The following NREP variants were observed in gnomAD, a reference collection of about 807,000 sequenced individuals.
NREP encodes neuronal regeneration related protein.
In NREP, 5 loss-of-function variants were observed where a neutral mutation model predicts 8.6. The observed-to-expected ratio is 0.58, with a 90% CI of 0.30 to 1.22. The LOEUF is 1.22. NREP is among the 50% of genes most tolerant of loss of function. The pLI, the probability that NREP is intolerant of heterozygous loss-of-function variation, is 0.07. For missense variants in NREP, 86 were observed against 82.5 expected (o/e 1.04, Z -0.17); for synonymous variants, 27 against 28.0 (o/e 0.96, Z 0.11).
chr5:111,954,421 T>C (rs1756252808), intron 2 of NREP, among the ~76,000 whole-genome samples: 2 of 152,172 alleles, frequency 1.3e-5, no homozygotes, highest in South Asian at 2.1e-4. Context: ...GTCAATGTTA[T>C]CATTGGTTTT....
At chr5:111,845,433 A>C (rs1159388661) in intron 2 of NREP, among the ~76,000 whole-genome samples, 1 of 152,138 alleles carries the variant, frequency 6.6e-6, no homozygotes. Context: ...CATCTTGCTG[A>C]TATCACTCTC....
intron 2 of NREP, among the ~76,000 whole-genome samples, chr5:111,795,648 G>A (rs1395947203): frequency 6.6e-6 from 1 of 152,030 alleles, no homozygotes; most frequent in Non-Finnish European, 1.5e-5. Flanking sequence ...CAGTCATTTT[G>A]CATTTTTGTT....
At chr5:111,848,769 A>G (rs1346840565) in intron 2 of NREP, among the ~76,000 whole-genome samples, 1 of 152,072 alleles carries the variant, frequency 6.6e-6, no homozygotes, top group African/African-American at 2.4e-5. Flanking sequence ...CCATGCTTTA[A>G]TGTTCCTTGT....
chr5:111,910,503 T>C (rs1218798149), intron 2 of NREP, among the ~76,000 whole-genome samples: 1 of 152,034 alleles, frequency 6.6e-6, no homozygotes, highest in African/African-American at 2.4e-5. Context: ...GACCCACATA[T>C]TTATAATGGT....
intron 2 of NREP, among the ~76,000 whole-genome samples, chr5:111,772,487 G>A (rs906701804): frequency 1.3e-5 from 2 of 151,808 alleles, no homozygotes; most frequent in Admixed American, 6.6e-5. Flanking sequence ...TCCAGTTTCC[G>A]AAAGTCTGGA....
chr5:111,826,308 G>C (rs1249223495), intron 2 of NREP, among the ~76,000 whole-genome samples: 3 of 152,200 alleles, frequency 2.0e-5, no homozygotes, highest in Non-Finnish European at 4.4e-5. Context: ...GGCCAAATAA[G>C]GGAGTAAAAG....
At chr5:111,845,868 A>C (rs1464733445) in intron 2 of NREP, among the ~76,000 whole-genome samples, 2 of 151,594 alleles carry the variant, frequency 1.3e-5, no homozygotes, top group African/African-American at 2.4e-5. Flanking sequence ...AAAAAAAAAA[A>C]AGAAAAGAAA....
upstream of NREP, chr5:111,757,575 G>A: frequency 1.0e-6 from 1 of 984,432 alleles, no homozygotes; most frequent in East Asian, 1.1e-4. Context: ...GCAGGAATCG[G>A]CGGCTCTGGG....
At chr5:111,841,919 A>G (rs1753039916) in intron 2 of NREP, among the ~76,000 whole-genome samples, 1 of 152,112 alleles carries the variant, frequency 6.6e-6, no homozygotes, top group African/African-American at 2.4e-5. Context: ...ATTTGGTGAC[A>G]AGCCTCTCTG....
At chr5:111,785,315 G>A (rs1052405494) in intron 2 of NREP, among the ~76,000 whole-genome samples, 11 of 151,972 alleles carry the variant, frequency 7.2e-5, no homozygotes, top group Non-Finnish European at 1.5e-4. Flanking sequence ...GTCTCCTTCT[G>A]TCATCCAGGC....
At chr5:111,818,373 C>T (rs911731326) in intron 2 of NREP, among the ~76,000 whole-genome samples, 9 of 152,110 alleles carry the variant, frequency 5.9e-5, no homozygotes, top group South Asian at 2.1e-4. Flanking sequence ...ATGGCAGTGA[C>T]GTGGTGTTAT....
chr5:111,757,232 GGGGGGA>G, upstream of NREP: 2 of 546,478 alleles, frequency 3.7e-6, no homozygotes, highest in Non-Finnish European at 4.6e-6. Context: ...GACAGATTGG[GGGGGGA>G]GGGGGGATTG....
chr5:111,771,426 TAC>T (rs111799670), intron 2 of NREP, among the ~76,000 whole-genome samples: 14,490 of 147,020 alleles, frequency 0.099, 951 homozygotes, highest in East Asian at 0.25. Flanking sequence ...CATAGTCTTT[TAC>T]ACACACACAC....
chr5:111,731,903 G>A (rs902857935), intron 3 of NREP: 3 of 152,408 alleles, frequency 2.0e-5, no homozygotes, highest in Non-Finnish European at 4.4e-5. Flanking sequence ...ACAGCACAGT[G>A]AAGCACACCT....
chr5:111,846,786 TC>T (rs1381608815), intron 2 of NREP, among the ~76,000 whole-genome samples: 1 of 152,206 alleles, frequency 6.6e-6, no homozygotes, highest in African/African-American at 2.4e-5. Context: ...TTGGATTTGC[TC>T]CTTGTTTACC....
In NREP at chr5:111,806,734, AGGATGC is replaced by A. The variant is rs1427064428; in HGVS notation, c.136-71233_136-71228del. Among the ~76,000 whole-genome samples, 4 of 142,782 alleles carry A rather than the reference AGGATGC, an allele frequency of 2.8e-5. No individual in the cohort carries two copies. The South Asian group carries it at 1.1e-3, about 38-fold the overall frequency. The allele number at this position is 142,782 out of a possible 152,430, so 93.7% of individuals were successfully genotyped here. A position where few individuals can be genotyped will look rare whatever the true frequency, so the allele number is the denominator to read the frequency against. Reference sequence around the variant, plus strand: ...GTTTCTTTTTGTTTGTTTTAAAGGAAGGATGCAGTTCTCTGTTACGATTTTGAATGG... The same window carrying A: ...GTTTCTTTTTGTTTGTTTTAAAGGAAAGTTCTCTGTTACGATTTTGAATGG... On this transcript the variant is annotated intron_variant, in intron 2 of 3. Coordinates refer to the NREP transcript ENST00000395634.
chr5:111,945,313 G>A (rs1381824281), intron 2 of NREP, among the ~76,000 whole-genome samples: 3 of 151,712 alleles, frequency 2.0e-5, no homozygotes, highest in Non-Finnish European at 4.4e-5. Context: ...TTAAGTTTTA[G>A]GGTACATGTG....
rs192795256 is a variant in NREP, at chr5:111,861,636, T to A, written c.135+113638A>T. 1.2e-3 allele frequency among the ~76,000 whole-genome samples: 179 copies of A among 152,312 alleles called. 1 individual carries two copies. The highest frequency in any genetic ancestry group is 1.5e-3 in the Admixed American group (23 of 15,280). On this transcript the variant is annotated intron_variant, in intron 2 of 3. Coordinates refer to the NREP transcript ENST00000395634. ...CTATGAGAATAGAGCAGCTGCTGTATTGCTATAGAGAATAACTTGAAATGC... is the reference window on the plus strand; with the variant it reads ...CTATGAGAATAGAGCAGCTGCTGTAATGCTATAGAGAATAACTTGAAATGC...
Position 111,822,537 on chromosome 5 carries a change from T to C in NREP, c.136-87030A>G, listed in dbSNP as rs541669101. On this transcript the variant is annotated intron_variant, in intron 2 of 3. Coordinates refer to the NREP transcript ENST00000395634. ...GGAAATATACCAGTCCTTACAAAGATTGAAACACAGCTTCATCTCTGTTCC... is the reference window on the plus strand; with the variant it reads ...GGAAATATACCAGTCCTTACAAAGACTGAAACACAGCTTCATCTCTGTTCC... Among the ~76,000 whole-genome samples the C allele has an allele frequency of 1.2e-3, 180 of 152,298 alleles. 1 individual carries two copies. Among genetic ancestry groups the C allele is most frequent in the Middle Eastern group, 6.8e-3 (2 of 294 alleles).
Sources: allele counts gnomAD v4.1 joint callset (sites outside exome capture counted in the v4.1 genomes callset), GRCh38; gene constraint gnomAD v4.1.1; transcripts MANE v1.5; gene names NCBI Gene and HGNC (gene_info 2026-07-23, HGNC 2026-07-21).